RWDD4: variants seen among roughly 807,000 people sequenced by gnomAD.
RWDD4 encodes the protein RWD domain-containing protein 4.
A neutral mutation model predicts 30.0 loss-of-function variants in RWDD4; 16 were observed. The observed-to-expected ratio is 0.53, with a 90% CI of 0.36 to 0.81. RWDD4 has a LOEUF of 0.81. RWDD4 is among the 30% of genes least tolerant of loss of function. RWDD4 has a pLI of 0.00. For synonymous variants in RWDD4, 45 were observed against 72.1 expected, an observed-to-expected ratio of 0.62 and a Z score of 1.90; for missense variants, 170 against 223.9, an observed-to-expected ratio of 0.76 and a Z score of 1.54.
chr4:183,642,824 T>C (rs943557006), intron 7 of RWDD4, among the ~76,000 whole-genome samples: 7 of 151,488 alleles, frequency 4.6e-5, no homozygotes, highest in African/African-American at 1.5e-4. Context: ...TTTGGGAGGC[T>C]GAGGCGAGTG....
At chr4:183,656,020 G>T (rs1272069255) in intron 1 of RWDD4, 59 bp from the exon 2 acceptor site, 10 of 1,166,910 alleles carry the variant, frequency 8.6e-6, no homozygotes, top group Non-Finnish European at 1.3e-5. Flanking sequence ...GAAATAGAGG[G>T]TCTTTACTTT....
chr4:183,654,866 A>C (rs756389040), intron 2 of RWDD4, among the ~76,000 whole-genome samples: 1 of 152,150 alleles, frequency 6.6e-6, no homozygotes, highest in African/African-American at 2.4e-5. Flanking sequence ...AATAGTTTAA[A>C]CTGTGACAAT....
chr4:183,644,240 T>G (rs1170941272), intron 7 of RWDD4, among the ~76,000 whole-genome samples: 1 of 152,206 alleles, frequency 6.6e-6, no homozygotes, highest in Non-Finnish European at 1.5e-5. Flanking sequence ...TAGGACAACA[T>G]GAAGTATCCA....
At chr4:183,655,798 T>C in intron 2 of RWDD4, 83 bp downstream of exon 2, 1 of 784,484 alleles carries the variant, frequency 1.3e-6, no homozygotes. Flanking sequence ...TTAAACAAGT[T>C]TAAAAAACAA....
intron 7 of RWDD4, among the ~76,000 whole-genome samples, chr4:183,645,990 C>A (rs1384221219): frequency 6.6e-6 from 1 of 152,158 alleles, no homozygotes; most frequent in Admixed American, 6.5e-5. Context: ...GCAACCTCCG[C>A]CTCCTGGGTT....
chr4:183,643,415 CAAAAAAAAAAAAAAAAAA>C (rs56730708), intron 7 of RWDD4, among the ~76,000 whole-genome samples: 3 of 22,652 alleles, frequency 1.3e-4, no homozygotes, highest in African/African-American at 4.0e-4. Flanking sequence ...GACTCTATCT[CAAAAAAAAAAAAAAAAAA>C]AAAAAAAAAA....
rs1055290852 is a variant in RWDD4, at chr4:183,649,386, C to T, written c.481+65G>A. 4.6e-5 allele frequency: 49 copies of T among 1,058,376 alleles called. No individual in the cohort carries two copies. In the African/African-American group the frequency reaches 7.0e-4, roughly 15 times the overall value. 65.6% of individuals were successfully genotyped at this position (1,058,376 alleles called of 1,614,324 possible). On this transcript the variant is annotated intron_variant, in intron 5 of 7. Coordinates refer to ENST00000326397, the MANE Select transcript of RWDD4 (RefSeq NM_152682.4). Reference sequence around the variant, plus strand: ...CTGAGATCATGCCACTGCACTCCAGCCTGGGCAACAAGAGTGAGACTCTGT... The same window carrying T: ...CTGAGATCATGCCACTGCACTCCAGTCTGGGCAACAAGAGTGAGACTCTGT...
At chr4:183,658,133 A>C (rs547248904) in intron 1 of RWDD4, among the ~76,000 whole-genome samples, 3 of 152,346 alleles carry the variant, frequency 2.0e-5, no homozygotes, top group Admixed American at 2.0e-4. Context: ...GTTAACTTCC[A>C]ATCCAGAGAT....
chr4:183,659,016 C>T lies in RWDD4; in HGVS notation c.-64G>A. ...CGCAACAACGAAGAGAAAGCGAAGG[C>T]AGCGGCCCAGAGGCCGGGCGTCCCC... On this transcript the variant is annotated 5_prime_UTR_variant, in exon 1 of 8. Coordinates refer to ENST00000326397, the MANE Select transcript of RWDD4 (RefSeq NM_152682.4). The T allele has an allele frequency of 1.6e-6, 2 of 1,213,956 alleles. No homozygotes were observed. Among genetic ancestry groups the T allele is most frequent in the Non-Finnish European group, 1.0e-6 (1 of 964,952 alleles). 75.2% of individuals were successfully genotyped at this position (1,213,956 alleles called of 1,614,324 possible).
rs773000013 is a variant in RWDD4, at chr4:183,649,436, GAAAC to G, written c.481+11_481+14del. Reference sequence around the variant, plus strand: ...TCAAAAAAAAGAAAAGAAAAGAAAAGAAACACACACAAACCTGTTTTGTCTGCCA... The same window carrying G: ...TCAAAAAAAAGAAAAGAAAAGAAAAGACACACAAACCTGTTTTGTCTGCCA... On this transcript the variant is annotated intron_variant, in intron 5 of 7. Transcript: ENST00000326397. 8.0e-6 allele frequency: 12 copies of G among 1,502,666 alleles called. No individual in the cohort carries two copies. In the African/African-American group the frequency reaches 1.7e-4, roughly 21 times the overall value. 93.1% of individuals were successfully genotyped at this position (1,502,666 alleles called of 1,614,324 possible). A position where few individuals can be genotyped will look rare whatever the true frequency, so the allele number is the denominator to read the frequency against.
rs1439288670 is a variant in RWDD4 at position 183,650,885 on chromosome 4, T to C, written c.363+99A>G. 5.7e-6 allele frequency: 7 copies of C among 1,222,594 alleles called. No homozygotes were observed. In the African/African-American group the frequency reaches 1.1e-4, roughly 19 times the overall value. 75.7% of individuals were successfully genotyped at this position (1,222,594 alleles called of 1,614,324 possible). A position where few individuals can be genotyped will look rare whatever the true frequency, so the allele number is the denominator to read the frequency against. On this transcript the variant is annotated intron_variant, in intron 4 of 7. Transcript: ENST00000326397. Reference sequence around the variant, plus strand: ...GTGTAACTCTCACTTTAACAAGTCTTCTTCCGATTTTGAATATATATTAAG... The same window carrying C: ...GTGTAACTCTCACTTTAACAAGTCTCCTTCCGATTTTGAATATATATTAAG...
At chr4:183,658,801 G>T in intron 1 of RWDD4, 128 bp downstream of exon 1, 1 of 818,902 alleles carries the variant, frequency 1.2e-6, no homozygotes, top group Non-Finnish European at 1.6e-6. Context: ...GTGAACTCGG[G>T]GCACCCCGGC....
At chr4:183,657,581 T>C (rs955517524) in intron 1 of RWDD4, among the ~76,000 whole-genome samples, 6 of 152,182 alleles carry the variant, frequency 3.9e-5, no homozygotes, top group African/African-American at 1.2e-4. Flanking sequence ...GAAAGACAAA[T>C]TGCTTTGTAT....
At chr4:183,651,175 CAG>C in intron 3 of RWDD4, 41 bp downstream of exon 3, 6 of 1,605,322 alleles carry the variant, frequency 3.7e-6, no homozygotes, top group Non-Finnish European at 5.1e-6. Flanking sequence ...AAAAGTATAA[CAG>C]AGAGTGAAAT....
chr4:183,651,865 C>T (rs934106114), intron 2 of RWDD4, among the ~76,000 whole-genome samples: 13 of 152,096 alleles, frequency 8.5e-5, no homozygotes, highest in African/African-American at 3.1e-4. Flanking sequence ...ATAAAGACGC[C>T]CTTGTTTCTT....
chr4:183,646,892 T>A (rs1323870139), intron 5 of RWDD4, among the ~76,000 whole-genome samples: 1 of 152,206 alleles, frequency 6.6e-6, no homozygotes, highest in Non-Finnish European at 1.5e-5. Flanking sequence ...ATTGCTTATT[T>A]AAGTAATAAG....
intron 2 of RWDD4, chr4:183,653,739 G>A (rs1299176708): frequency 6.6e-6 from 1 of 152,160 alleles, no homozygotes; most frequent in Non-Finnish European, 1.5e-5. Context: ...ATGATAAAAA[G>A]TGATAAAAGT....
At chr4:183,647,848 T>C (rs542265858) in intron 5 of RWDD4, among the ~76,000 whole-genome samples, 1 of 152,286 alleles carries the variant, frequency 6.6e-6, no homozygotes, top group Admixed American at 6.5e-5. Flanking sequence ...AAAAATGTAT[T>C]TTGGAAACAA....
At chr4:183,643,445 A>AAAAAAAAAAAAC (rs1733908392) in intron 7 of RWDD4, among the ~76,000 whole-genome samples, 1 of 134,642 alleles carries the variant, frequency 7.4e-6, no homozygotes, top group Non-Finnish European at 1.6e-5. Flanking sequence ...AAAAAAAAAA[A>AAAAAAAAAAAAC]AAGCATTTAA....
Sources: allele counts gnomAD v4.1 joint callset (sites outside exome capture counted in the v4.1 genomes callset), GRCh38; gene constraint gnomAD v4.1.1; transcripts MANE v1.5; gene names NCBI Gene and HGNC (gene_info 2026-07-23, HGNC 2026-07-21).